The following SAMD3 variants were observed in gnomAD, a reference collection of about 807,000 sequenced individuals.
SAMD3 encodes the protein sterile alpha motif domain containing 3, also known as sterile alpha motif domain-containing protein 3.
A neutral mutation model predicts 58.5 loss-of-function variants in SAMD3; 63 were observed. The ratio of observed to expected loss-of-function variants is 1.08; its 90% CI spans 0.88 to 1.33. The LOEUF (loss-of-function observed/expected upper bound fraction) is 1.33. Among genes scored for constraint, SAMD3 ranks in the 40% most tolerant of loss-of-function variants. The pLI is 0.00. For synonymous variants in SAMD3, 220 were observed against 210.3 expected, an observed-to-expected ratio of 1.05 and a Z score of -0.40; for missense variants, 604 against 608.4, an observed-to-expected ratio of 0.99 and a Z score of 0.08.
intron 1 of SAMD3, among the ~76,000 whole-genome samples, chr6:130,353,453 CA>C (rs1158978609): frequency 6.6e-6 from 1 of 151,516 alleles, no homozygotes; most frequent in Non-Finnish European, 1.5e-5. Flanking sequence ...AATGGGTTTC[CA>C]AAAATAAAAT....
chr6:130,251,837 G>C (rs1237270923), intron 2 of SAMD3, among the ~76,000 whole-genome samples: 1 of 152,070 alleles, frequency 6.6e-6, no homozygotes, highest in Non-Finnish European at 1.5e-5. Flanking sequence ...GATTGTTTTG[G>C]CTATTCTGGG....
At chr6:130,287,694 C>T (rs1173966642) in intron 2 of SAMD3, among the ~76,000 whole-genome samples, 1 of 152,018 alleles carries the variant, frequency 6.6e-6, no homozygotes, top group Non-Finnish European at 1.5e-5. Context: ...ACCTATAATC[C>T]CAGCACTTTG....
At chr6:130,154,097 A>G (rs1419660518) in intron 9 of SAMD3, among the ~76,000 whole-genome samples, 3 of 152,172 alleles carry the variant, frequency 2.0e-5, no homozygotes, top group Non-Finnish European at 4.4e-5. Flanking sequence ...ACATAAAAGC[A>G]TGAAAGGGAA....
In SAMD3 at chr6:130,274,823, A is replaced by T. The variant is rs375750898; in HGVS notation, c.-188+38155T>A. 4.6e-5 allele frequency among the ~76,000 whole-genome samples: 7 copies of T among 151,786 alleles called. 1 individual carries two copies. On this transcript the variant is annotated intron_variant, in intron 2 of 13. Coordinates refer to the SAMD3 transcript ENST00000368134. ...ATTTCCTATTCCAGTATATTACTGA[A>T]GTCCCTCTCCCTTTATATTTGATTG...
chr6:130,268,431 G>A (rs995563418), intron 2 of SAMD3, among the ~76,000 whole-genome samples: 5 of 152,056 alleles, frequency 3.3e-5, no homozygotes, highest in African/African-American at 9.7e-5. Context: ...TTTTAGTGTA[G>A]CCTAAGTGTA....
chr6:130,226,699 A>G (rs1796390557), upstream of SAMD3, among the ~76,000 whole-genome samples: 1 of 152,120 alleles, frequency 6.6e-6, no homozygotes, highest in South Asian at 2.1e-4. Context: ...GGCGCCTGTA[A>G]TCCCAGCTAC....
intron 2 of SAMD3, among the ~76,000 whole-genome samples, chr6:130,250,876 C>T (rs992685438): frequency 6.6e-6 from 1 of 152,152 alleles, no homozygotes; most frequent in South Asian, 2.1e-4. Flanking sequence ...CTTCTGGGCT[C>T]TTATGAATAC....
chr6:130,218,224 T>C (rs1477533364), intron 1 of SAMD3, among the ~76,000 whole-genome samples: 2 of 152,130 alleles, frequency 1.3e-5, no homozygotes, highest in Non-Finnish European at 1.5e-5. Context: ...AGAGCGAGGG[T>C]CCTGCTAGTA....
At chr6:130,181,919 C>G (rs139566996) in intron 7 of SAMD3, among the ~76,000 whole-genome samples, 21 of 151,668 alleles carry the variant, frequency 1.4e-4, no homozygotes, top group Non-Finnish European at 2.5e-4. Flanking sequence ...CAACAAATTA[C>G]CTGGGCGTGG....
chr6:130,321,876 C>G (rs189210250), intron 1 of SAMD3, among the ~76,000 whole-genome samples: 1 of 152,108 alleles, frequency 6.6e-6, no homozygotes, highest in African/African-American at 2.4e-5. Context: ...ATATTCAGAC[C>G]TCAACTCAAG....
intron 1 of SAMD3, among the ~76,000 whole-genome samples, chr6:130,338,609 C>T (rs1457825055): frequency 1.3e-5 from 2 of 152,226 alleles, no homozygotes; most frequent in South Asian, 2.1e-4. Context: ...CTGCCCAAGG[C>T]TGTGGGAGCT....
At chr6:130,326,487 A>T (rs576845528) in intron 1 of SAMD3, among the ~76,000 whole-genome samples, 1 of 147,760 alleles carries the variant, frequency 6.8e-6, no homozygotes, top group African/African-American at 2.5e-5. Context: ...CTTTTGTCCT[A>T]TTGTACCTTG....
intron 2 of SAMD3, among the ~76,000 whole-genome samples, chr6:130,284,437 G>T (rs1350013389): frequency 3.3e-5 from 5 of 151,944 alleles, no homozygotes; most frequent in African/African-American, 1.2e-4. Context: ...CTTATAGAAG[G>T]CAGGAAAAGA....
chr6:130,193,374 C>T (rs879592118), intron 5 of SAMD3, among the ~76,000 whole-genome samples: 10 of 151,896 alleles, frequency 6.6e-5, no homozygotes, highest in African/African-American at 2.4e-4. Context: ...TGACCTCTTA[C>T]ATCTCTGCAC....
chr6:130,186,235 C>T (rs150516861), intron 5 of SAMD3, among the ~76,000 whole-genome samples: 2 of 152,132 alleles, frequency 1.3e-5, no homozygotes, highest in African/African-American at 4.8e-5. Flanking sequence ...TTTCTGATGA[C>T]CATGGAACCT....
At chr6:130,253,748 A>ATTT (rs141419532) in intron 2 of SAMD3, among the ~76,000 whole-genome samples, 1 of 150,534 alleles carries the variant, frequency 6.6e-6, no homozygotes, top group Non-Finnish European at 1.5e-5. Flanking sequence ...TAAAATTATT[A>ATTT]TTTTTTTTTG....
intron 1 of SAMD3, among the ~76,000 whole-genome samples, chr6:130,340,086 A>G (rs1218781374): frequency 6.6e-6 from 1 of 152,218 alleles, no homozygotes; most frequent in Admixed American, 6.5e-5. Flanking sequence ...CATCTAATCT[A>G]TAATGCACAG....
chr6:130,178,822 C>G (rs1791994261), intron 7 of SAMD3, among the ~76,000 whole-genome samples: 1 of 152,118 alleles, frequency 6.6e-6, no homozygotes, highest in Non-Finnish European at 1.5e-5. Flanking sequence ...TTCAACAGCC[C>G]TAGTAAGAAA....
Position 130,215,309 on chromosome 6 carries a change from G to A in SAMD3, c.-21-15C>T. On this transcript the variant is annotated splice_polypyrimidine_tract_variant and intron_variant, in intron 2 of 11. Transcript: ENST00000439090. ...TGTAAATACACCTGTAGAGCAAAAGGTCAGAGAATTCTCCAGCTTTTCTTT... is the reference window on the plus strand; with the variant it reads ...TGTAAATACACCTGTAGAGCAAAAGATCAGAGAATTCTCCAGCTTTTCTTT... 6.7e-7 allele frequency: 1 copy of A among 1,484,746 alleles called. No homozygotes were observed. Among genetic ancestry groups the A allele is most frequent in the Non-Finnish European group, 9.1e-7 (1 of 1,093,628 alleles). The allele number at this position is 1,484,746 out of a possible 1,614,324, so 92.0% of individuals were successfully genotyped here.
Sources: gnomAD v4.1 joint callset for allele counts (sites outside exome capture counted in the v4.1 genomes callset) on GRCh38, gnomAD v4.1.1 for gene constraint, MANE v1.5 for transcripts, NCBI Gene and HGNC (gene_info 2026-07-23, HGNC 2026-07-21) for gene names.